Variants in SLC11A1 observed in about 807,000 individuals in gnomAD.
SLC11A1 encodes natural resistance-associated macrophage protein 1.
SLC11A1 carries 59 observed loss-of-function variants against 63.2 expected under a neutral mutation model. That is an observed-to-expected ratio of 0.93 (90% confidence interval 0.76 to 1.16). The LOEUF (loss-of-function observed/expected upper bound fraction) is 1.16, where lower values mean the gene tolerates loss of function less well. Among genes scored for constraint, SLC11A1 ranks in the 50% most tolerant of loss-of-function variants. SLC11A1 has a pLI of 0.00. For synonymous variants in SLC11A1, 305 were observed against 307.8 expected (o/e 0.99, Z 0.09); for missense variants, 688 against 730.7 (o/e 0.94, Z 0.67).
Position 218,384,112 on chromosome 2 carries a change from C to A in SLC11A1, c.151-131C>A. The A allele has an allele frequency of 1.0e-6, 1 of 965,266 alleles. No homozygotes were observed. Among genetic ancestry groups the A allele is most frequent in the Non-Finnish European group, 1.4e-6 (1 of 691,222 alleles). The allele number at this position is 965,266 out of a possible 1,614,324, so 59.8% of individuals were successfully genotyped here. On this transcript the variant is annotated intron_variant, in intron 2 of 14. Transcript: ENST00000233202. This position sits in a 1 kb window ranked among gnomAD's most constrained non-coding sequence, Gnocchi z 4.0. ...CTCCCCATCCCTTGGGTGGCAGACC[C>A]AGGAATGGGCCATGGAGGGCAGGGC...
chr2:218,389,953 C>T lies in SLC11A1; in HGVS notation c.879C>T (p.Ser293=), dbSNP rs757321182. ...YFLIEATIAL[S]VSFIINLFVM... ...TGATTGAGGCCACCATCGCCCTGTCCGTCTCCTTTATCATCAACCTCTTTG... is the reference window on the plus strand; with the variant it reads ...TGATTGAGGCCACCATCGCCCTGTCTGTCTCCTTTATCATCAACCTCTTTG... The change falls in exon 9 of 15, where the codon TCC becomes TCT. Residue 293 remains serine (S), a synonymous_variant. Coordinates refer to ENST00000233202, the MANE Select transcript of SLC11A1 (RefSeq NM_000578.4). The T allele has an allele frequency of 4.3e-6, 7 of 1,613,960 alleles. No individual in the cohort carries two copies. Among genetic ancestry groups the T allele is most frequent in the South Asian group, 2.2e-5 (2 of 91,076 alleles).
chr2:218,383,218 G>A, intron 2 of SLC11A1, 116 bp downstream of exon 2: 1 of 1,208,310 alleles, frequency 8.3e-7, no homozygotes, highest in South Asian at 1.4e-5. Context: ...TTCCAGGTCT[G>A]AGCAGCAGTG....
chr2:218,386,922 G>A, intron 5 of SLC11A1, 181 bp downstream of exon 5: 1 of 656,580 alleles, frequency 1.5e-6, no homozygotes, highest in East Asian at 2.7e-5. Flanking sequence ...TGTGAGTCAT[G>A]CAGGACTTTG....
chr2:218,393,078 T>C lies in SLC11A1; in HGVS notation c.1262T>C (p.Leu421Pro), dbSNP rs1457517822. ...GTGCTCGTGGCTGTCTTCCGGGACC[T>C]GAGGGACTTGTCGGGCCTCAATGAT... ...PTVLVAVFRD[L>P]RDLSGLNDLL... The change falls in exon 12 of 15, where the codon CTG becomes CCG. Residue 421 changes from leucine (L) to proline (P), a missense_variant. Physicochemically the swap from Leu to Pro is moderately conservative, Grantham distance 98. Coordinates refer to ENST00000233202, the MANE Select transcript of SLC11A1 (RefSeq NM_000578.4). 2 of 1,597,494 alleles carry C rather than the reference T, an allele frequency of 1.3e-6. No individual in the cohort carries two copies. The highest frequency in any genetic ancestry group is 1.1e-5 in the South Asian group (1 of 89,330).
In SLC11A1 at chr2:218,384,952, G is replaced by A. The variant is rs1040509468; in HGVS notation, c.274-195G>A. ...TGCTCAGGCTGCTCTTGAACTCCTG[G>A]ACTCAAGCAATCCTCCCACCTTAGC... On this transcript the variant is annotated intron_variant, in intron 3 of 14. Coordinates refer to ENST00000233202, the MANE Select transcript of SLC11A1 (RefSeq NM_000578.4). The surrounding 1 kb of genome is among the most constrained non-coding windows in gnomAD (Gnocchi z 4.0). The A allele has an allele frequency of 1.7e-6, 1 of 592,690 alleles. No individual in the cohort carries two copies. Among genetic ancestry groups the A allele is most frequent in the African/African-American group, 1.9e-5 (1 of 53,548 alleles). 36.7% of individuals were successfully genotyped at this position (592,690 alleles called of 1,614,324 possible).
Position 218,393,135 on chromosome 2 carries a change from G to A in SLC11A1, c.1314+5G>A. The A allele has an allele frequency of 5.1e-6, 8 of 1,560,628 alleles. No homozygotes were observed. Among genetic ancestry groups the A allele is most frequent in the Non-Finnish European group, 6.0e-6 (7 of 1,158,674 alleles). On this transcript the variant is annotated splice_donor_5th_base_variant and intron_variant, in intron 12 of 14. Coordinates refer to ENST00000233202, the MANE Select transcript of SLC11A1 (RefSeq NM_000578.4). ...AACGTGCTGCAGAGCCTGCTGGTGA[G>A]ATGCGCCAACCCCACCAGCCCTGCC...
Position 218,384,204 on chromosome 2 carries a change from CCAGGACCCCCT to C in SLC11A1, c.151-36_151-26del. 3 of 1,558,404 alleles carry C rather than the reference CCAGGACCCCCT, an allele frequency of 1.9e-6. No homozygotes were observed. Among genetic ancestry groups the C allele is most frequent in the Non-Finnish European group, 2.6e-6 (3 of 1,143,162 alleles). ...AGGCCAGCTGCCACCATCCCTATAC[CCAGGACCCCCT>C]CACTCTACTCCTCCCACCCCCCAAC... On this transcript the variant is annotated intron_variant, in intron 2 of 14. Coordinates refer to ENST00000233202, the MANE Select transcript of SLC11A1 (RefSeq NM_000578.4). The surrounding 1 kb of genome is among the most constrained non-coding windows in gnomAD (Gnocchi z 4.0).
intron 8 of SLC11A1, 27 bp downstream of exon 8, chr2:218,387,982 C>T: frequency 6.4e-7 from 1 of 1,563,566 alleles, no homozygotes; most frequent in South Asian, 1.2e-5. Flanking sequence ...GGAAAGGAGA[C>T]CCCCTCACTC....
intron 4 of SLC11A1, among the ~76,000 whole-genome samples, chr2:218,386,186 C>T (rs1316892261): frequency 3.3e-5 from 5 of 152,192 alleles, no homozygotes; most frequent in Non-Finnish European, 7.3e-5. Flanking sequence ...GGGGCGGTGG[C>T]TCACGCCTGT....
chr2:218,392,826 C>T, intron 11 of SLC11A1, 155 bp from the exon 12 acceptor site: 2 of 546,148 alleles, frequency 3.7e-6, no homozygotes, highest in Non-Finnish European at 6.1e-6. Context: ...CCCACCCATC[C>T]CCTCTTGCCA....
intron 8 of SLC11A1, 128 bp downstream of exon 8, chr2:218,388,083 G>A (rs750796369): frequency 8.7e-5 from 102 of 1,175,776 alleles, no homozygotes; most frequent in Non-Finnish European, 1.2e-4. Flanking sequence ...AATAATTGAG[G>A]GACAGGCGGG....
At chr2:218,394,089 C>A (rs1696608437) in intron 12 of SLC11A1, 31 bp from the exon 13 acceptor site, 7 of 1,611,410 alleles carry the variant, frequency 4.3e-6, no homozygotes, top group Non-Finnish European at 5.9e-6. Flanking sequence ...AGGCAGAATT[C>A]CTCAGCCTAG....
intron 4 of SLC11A1, chr2:218,385,552 G>A (rs1032542344): frequency 2.5e-5 from 11 of 448,026 alleles, no homozygotes; most frequent in African/African-American, 8.1e-5. Context: ...CACCATCATC[G>A]GCTAATTTTT....
In SLC11A1 at chr2:218,390,000, C is replaced by T. The variant is rs777180010; in HGVS notation, c.926C>T (p.Ala309Val). Residue 309 changes from alanine to valine, a missense_variant, in exon 9 of 15, where the codon GCC becomes GTC. Physicochemically the swap from Ala to Val is moderately conservative, Grantham distance 64. Transcript: ENST00000233202. ...NLFVMAVFGQ[A>V]FYQKTNQAAF... ...TTTGTCATGGCTGTCTTTGGGCAGG[C>T]CTTCTACCAGAAAACCAACCAGGCT... is the stretch of plus-strand genomic sequence containing the variant. 28 of 1,612,864 alleles carry T rather than the reference C, an allele frequency of 1.7e-5. No individual in the cohort carries two copies. The highest frequency in any genetic ancestry group is 3.3e-4 in the Middle Eastern group (2 of 6,078).
chr2:218,393,572 G>A (rs1272193715), intron 12 of SLC11A1, among the ~76,000 whole-genome samples: 1 of 150,636 alleles, frequency 6.6e-6, no homozygotes, highest in East Asian at 1.9e-4. Flanking sequence ...TGCCTCCCAG[G>A]TTCAAGCGAT....
rs1696620171 is a variant in SLC11A1 at position 218,394,174 on chromosome 2, C to T, written c.1369C>T (p.Gln457Ter). Residue 457 changes from glutamine to a stop codon, truncating the protein, a stop_gained, in exon 13 of 15, where the codon CAG (glutamine) becomes TAG (stop). Coordinates refer to ENST00000233202, the MANE Select transcript of SLC11A1 (RefSeq NM_000578.4). LOFTEE classifies it high-confidence loss of function. Reference sequence around the variant, plus strand: ...GTTCACCAGCATGCCCACCCTCATGCAGGAGTTTGCCAATGGCCTGTGAGT... The same window carrying T: ...GTTCACCAGCATGCCCACCCTCATGTAGGAGTTTGCCAATGGCCTGTGAGT... The part of the protein sequence containing the change: ...LTFTSMPTLM[Q>*]EFANGLLNKV... 1.2e-6 allele frequency: 2 copies of T among 1,614,150 alleles called. No homozygotes were observed. Among genetic ancestry groups the T allele is most frequent in the South Asian group, 2.2e-5 (2 of 91,084 alleles).
chr2:218,394,509 C>T (rs1340342658), intron 13 of SLC11A1, 123 bp from the exon 14 acceptor site: 2 of 1,109,092 alleles, frequency 1.8e-6, no homozygotes, highest in African/African-American at 1.5e-5. Context: ...CCAGGTCCCA[C>T]AGACCAGAGA....
chr2:218,385,544 C>T (rs1461027522), intron 4 of SLC11A1: 1 of 463,830 alleles, frequency 2.2e-6, no homozygotes, highest in Non-Finnish European at 4.2e-6. Context: ...GCGCCCACCA[C>T]CATCATCGGC....
intron 5 of SLC11A1, 46 bp downstream of exon 5, chr2:218,386,787 G>A (rs375469392): frequency 3.6e-5 from 51 of 1,418,754 alleles, no homozygotes; most frequent in Non-Finnish European, 4.6e-5. Context: ...GCAGAGAACA[G>A]CTGCTGCTAC....
Sources: gnomAD v4.1 joint callset for allele counts (sites outside exome capture counted in the v4.1 genomes callset) on GRCh38, gnomAD v4.1.1 for gene constraint, Gnocchi (gnomAD v3.1) non-coding constraint, MANE v1.5 for transcripts, NCBI Gene and HGNC (gene_info 2026-07-23, HGNC 2026-07-21) for gene names.